Variants in UTP4 observed in about 807,000 individuals in gnomAD.
UTP4 encodes the protein UTP4 small subunit processome component, also known as U3 small nucleolar RNA-associated protein 4 homolog.
UTP4 carries 45 observed loss-of-function variants against 82.4 expected under a neutral mutation model. The observed-to-expected ratio is 0.55, with a 90% CI of 0.43 to 0.70. UTP4 has a LOEUF of 0.70. Ranked by LOEUF, UTP4 falls within the 30% of genes least tolerant of loss-of-function variation. The probability of loss-of-function intolerance (pLI) is 0.00; values close to 1 mark genes in which losing one functional copy is unlikely to be tolerated. For missense variants in UTP4, 819 were observed against 858.3 expected (o/e 0.95, Z 0.57); for synonymous variants, 348 against 300.3 (o/e 1.16, Z -1.64).
intron 6 of UTP4, 143 bp from the exon 7 acceptor site, chr16:69,150,394 G>T: frequency 1.1e-6 from 1 of 934,570 alleles, no homozygotes; most frequent in Admixed American, 1.7e-5. Flanking sequence ...CTTAGCTTCT[G>T]GAAGGAAAAG....
intron 2 of UTP4, 135 bp from the exon 3 acceptor site, chr16:69,136,561 A>G (rs1370123813): frequency 2.4e-6 from 2 of 830,718 alleles, no homozygotes; most frequent in East Asian, 4.8e-5. Context: ...AAATGTCATT[A>G]GGCATGATCT....
At chr16:69,165,832 C>A in intron 15 of UTP4, 1 of 495,480 alleles carries the variant, frequency 2.0e-6, no homozygotes, top group South Asian at 2.1e-5. Context: ...AGTGATTAGG[C>A]CAGTATTCGG....
intron 16 of UTP4, 39 bp downstream of exon 16, chr16:69,167,224 C>T: frequency 7.8e-7 from 1 of 1,276,600 alleles, no homozygotes; most frequent in Non-Finnish European, 1.1e-6. Context: ...TAGTTGGTTC[C>T]TTTGTGATAC....
In UTP4 at chr16:69,153,620, C is replaced by T; in HGVS notation, c.1039C>T (p.Leu347Phe). The T allele has an allele frequency of 1.2e-6, 2 of 1,613,596 alleles. No homozygotes were observed. Among genetic ancestry groups the T allele is most frequent in the Admixed American group, 1.7e-5 (1 of 59,976 alleles). ...LISCSKKRQL[L>F]LFQFAHHLEL... ...CTCCTGTTCTAAAAAGAGGCAGCTT[C>T]TCCTCTTCCAGTTTGCTCATCACTT... is the stretch of plus-strand genomic sequence containing the variant. The change falls in exon 9 of 17, where the codon CTC (leucine) becomes TTC (phenylalanine). Residue 347 changes from leucine to phenylalanine, a missense_variant. Transcript: ENST00000314423.
In UTP4 at chr16:69,143,301, A is replaced by G; in HGVS notation, c.650A>G (p.Lys217Arg). The change falls in exon 6 of 17, where the codon AAG becomes AGG. Residue 217 changes from lysine (K) to arginine (R), a missense_variant. Lys to Arg is a conservative substitution (Grantham distance 26). Coordinates refer to ENST00000314423, the MANE Select transcript of UTP4 (RefSeq NM_032830.3). Reference sequence around the variant, plus strand: ...ATCATAAGTGTGGACTCTGCTGGGAAGGTGCAGTTCTGGGACTCAGCCACT... The same window carrying G: ...ATCATAAGTGTGGACTCTGCTGGGAGGGTGCAGTTCTGGGACTCAGCCACT... ...GTIISVDSAG[K>R]VQFWDSATGT... 1 of 1,614,168 alleles carries G rather than the reference A, an allele frequency of 6.2e-7. No homozygotes were observed. The highest frequency in any genetic ancestry group is 1.1e-5 in the South Asian group (1 of 91,078).
At chr16:69,166,464 T>C (rs959322640) in intron 15 of UTP4, 4 of 152,772 alleles carry the variant, frequency 2.6e-5, no homozygotes, top group Admixed American at 6.5e-5. Context: ...GATCATTTTT[T>C]CCAAAGCATT....
At chr16:69,143,063 G>T in intron 5 of UTP4, 115 bp from the exon 6 acceptor site, 2 of 1,039,896 alleles carry the variant, frequency 1.9e-6, no homozygotes, top group East Asian at 2.4e-5. Flanking sequence ...TCACTTCGTT[G>T]CCTAGGCTGG....
rs1191581689 is a variant in UTP4, at chr16:69,150,576, G to A, written c.778G>A (p.Val260Ile). 1 of 1,614,232 alleles carries A rather than the reference G, an allele frequency of 6.2e-7. No homozygotes were observed. Among genetic ancestry groups the A allele is most frequent in the Non-Finnish European group, 8.5e-7 (1 of 1,180,048 alleles). ...SFVVGTAEGT[V>I]FHFQLVPVTS... ...CGTGGTGGGCACAGCCGAGGGAACA[G>A]TCTTCCATTTTCAGCTGGTCCCTGT... The change falls in exon 7 of 17, where the codon GTC (valine) becomes ATC (isoleucine). Residue 260 changes from valine to isoleucine, a missense_variant. By Grantham distance (29) the Val-to-Ile change is conservative. Coordinates refer to ENST00000314423, the MANE Select transcript of UTP4 (RefSeq NM_032830.3).
chr16:69,155,013 C>T lies in UTP4; in HGVS notation c.1164+556C>T, dbSNP rs1196405113. Among the ~76,000 whole-genome samples the T allele has an allele frequency of 2.0e-5, 3 of 152,108 alleles. No homozygotes were observed. The East Asian group carries it at 5.8e-4, about 29-fold the overall frequency. ...GGGATTATAGGCGTGAGCCACCGCG[C>T]CCAGCCATGTGCATATTTTTAAAAA... On this transcript the variant is annotated intron_variant, in intron 10 of 16. Transcript: ENST00000314423.
intron 12 of UTP4, among the ~76,000 whole-genome samples, chr16:69,159,996 A>C (rs1039772370): frequency 8.6e-5 from 13 of 151,982 alleles, no homozygotes; most frequent in African/African-American, 2.2e-4. Flanking sequence ...AAAAAAAAAA[A>C]ACAAAAAACA....
chr16:69,145,989 T>C (rs1963097806), intron 6 of UTP4, among the ~76,000 whole-genome samples: 1 of 151,806 alleles, frequency 6.6e-6, no homozygotes, highest in East Asian at 1.9e-4. Context: ...AATTCCTTAA[T>C]GAGGGAACTG....
chr16:69,156,112 T>A, intron 11 of UTP4, 119 bp downstream of exon 11: 1 of 1,036,308 alleles, frequency 9.6e-7, no homozygotes, highest in Non-Finnish European at 1.5e-6. Flanking sequence ...ATTTGGAGAT[T>A]TGGAGAAGGC....
At chr16:69,135,300 A>G (rs996887854) in intron 2 of UTP4, among the ~76,000 whole-genome samples, 1 of 151,842 alleles carries the variant, frequency 6.6e-6, no homozygotes, top group Non-Finnish European at 1.5e-5. Flanking sequence ...TGTTTTCTTT[A>G]TTCTTCAACA....
At chr16:69,162,707 A>G (rs1166131430) in intron 13 of UTP4, among the ~76,000 whole-genome samples, 5 of 135,762 alleles carry the variant, frequency 3.7e-5, no homozygotes, top group Non-Finnish European at 7.8e-5. Flanking sequence ...GTGAAACTCC[A>G]TCTCAAAAAA....
At chr16:69,153,951 G>T (rs142180446) in intron 9 of UTP4, among the ~76,000 whole-genome samples, 5 of 152,028 alleles carry the variant, frequency 3.3e-5, no homozygotes, top group Non-Finnish European at 5.9e-5. Context: ...CGTAGTTTGC[G>T]CTAGCTTAAC....
chr16:69,142,060 C>T (rs181139641), intron 5 of UTP4: 1 of 147,892 alleles, frequency 6.8e-6, no homozygotes, highest in Non-Finnish European at 1.5e-5. Flanking sequence ...CCTGTTTCTT[C>T]CCTGTTATTC....
chr16:69,167,690 A>G (rs886460493), intron 16 of UTP4: 7 of 164,032 alleles, frequency 4.3e-5, no homozygotes, highest in African/African-American at 1.4e-4. Flanking sequence ...AAATGACTCA[A>G]ATGTGATTAG....
chr16:69,139,818 T>A lies in UTP4; in HGVS notation c.437-7T>A. ...TCACTTTCTTTTTTTGTTGTCCAAC[T>A]CCCAAGGTCGCATCCTGAGTCTCAG... is the stretch of plus-strand genomic sequence containing the variant. On this transcript the variant is annotated splice_region_variant and splice_polypyrimidine_tract_variant and intron_variant, in intron 4 of 16. Transcript: ENST00000314423. 1.9e-6 allele frequency: 3 copies of A among 1,609,016 alleles called. No individual in the cohort carries two copies. The highest frequency in any genetic ancestry group is 2.6e-6 in the Non-Finnish European group (3 of 1,175,342).
intron 2 of UTP4, among the ~76,000 whole-genome samples, chr16:69,134,574 C>T (rs975634928): frequency 3.2e-4 from 48 of 151,776 alleles, no homozygotes; most frequent in African/African-American, 1.1e-3. Context: ...TTACTGAGCT[C>T]ACCCCTGAAG....
Sources: gnomAD v4.1 joint callset for allele counts (sites outside exome capture counted in the v4.1 genomes callset) on GRCh38, gnomAD v4.1.1 for gene constraint, MANE v1.5 for transcripts, NCBI Gene and HGNC (gene_info 2026-07-23, HGNC 2026-07-21) for gene names.